Variants in KDM4B observed in about 807,000 individuals in gnomAD.
The protein encoded by KDM4B is lysine demethylase 4B.
A neutral mutation model predicts 125.2 loss-of-function variants in KDM4B; 32 were observed. The observed-to-expected ratio is 0.26, with a 90% confidence interval of 0.19 to 0.34. The LOEUF (loss-of-function observed/expected upper bound fraction) is 0.34, where lower values mean the gene tolerates loss of function less well. Among genes scored for constraint, KDM4B ranks in the 10% least tolerant of loss-of-function variants. The pLI, the probability that KDM4B is intolerant of heterozygous loss-of-function variation, is 1.00. For missense variants in KDM4B, 1,190 were observed against 1,577.7 expected (o/e 0.75, Z 4.16); for synonymous variants, 721 against 677.9 (o/e 1.06, Z -0.99).
intron 1 of KDM4B, among the ~76,000 whole-genome samples, chr19:4,980,137 G>A (rs1474760920): frequency 1.3e-5 from 2 of 151,874 alleles, no homozygotes; most frequent in African/African-American, 4.8e-5. Context: ...GTGGTTTTTA[G>A]TACATTGACA....
At chr19:5,041,573 G>C (rs1004670684) in intron 5 of KDM4B, among the ~76,000 whole-genome samples, 1 of 152,220 alleles carries the variant, frequency 6.6e-6, no homozygotes, top group South Asian at 2.1e-4. Context: ...CGTCTTCCTG[G>C]CACTGTGGAG....
chr19:5,084,600 A>C (rs1387445152), intron 9 of KDM4B, among the ~76,000 whole-genome samples: 2 of 143,530 alleles, frequency 1.4e-5, no homozygotes, highest in African/African-American at 2.5e-5. Flanking sequence ...TAAATTATAT[A>C]AATTATATAT....
intron 1 of KDM4B, among the ~76,000 whole-genome samples, chr19:4,970,157 G>A (rs766557262): frequency 7.9e-5 from 12 of 152,176 alleles, no homozygotes; most frequent in Non-Finnish European, 1.8e-4. Context: ...CAGGCAGGAC[G>A]GGGGACTCTG....
intron 1 of KDM4B, among the ~76,000 whole-genome samples, chr19:5,014,387 C>T (rs2035825555): frequency 6.6e-6 from 1 of 152,172 alleles, no homozygotes; most frequent in Non-Finnish European, 1.5e-5. Context: ...CGCCATTCTC[C>T]TGCCTCAGCC....
At position 5,021,141 on chromosome 19, in the gene KDM4B, C is replaced by CA. The variant is rs759355053; in HGVS notation, c.-26+4818dup. On this transcript the variant is annotated intron_variant, in intron 2 of 22. Transcript: ENST00000159111. The stretch of plus-strand genomic sequence containing the variant: ...CCTGGGCGACAGAGTGAAACTGTCT[C>CA]AAAAAAAAAAAAAAAAGAAAGAAAA... Among the ~76,000 whole-genome samples the CA allele has an allele frequency of 5.9e-3, 261 of 44,058 alleles. 1 individual carries two copies. Among genetic ancestry groups the CA allele is most frequent in the African/African-American group, 0.02 (183 of 9,050 alleles). The allele number at this position is 44,058 out of a possible 152,430, so 28.9% of individuals were successfully genotyped here. A position where few individuals can be genotyped will look rare whatever the true frequency, so the allele number is the denominator to read the frequency against.
chr19:5,147,636 G>C (rs2146114587), intron 21 of KDM4B, among the ~76,000 whole-genome samples: 1 of 152,024 alleles, frequency 6.6e-6, no homozygotes, highest in Non-Finnish European at 1.5e-5. Context: ...CCAGCTACTT[G>C]GGAAGCTGAG....
intron 7 of KDM4B, chr19:5,076,977 C>A: frequency 4.4e-6 from 1 of 229,356 alleles, no homozygotes; most frequent in Non-Finnish European, 8.7e-6. Context: ...GTGAGGGACC[C>A]AAGTGTATGC....
Position 4,994,165 on chromosome 19 carries a change from C to T in KDM4B, c.-108-22092C>T, listed in dbSNP as rs189445586. 4.0e-3 allele frequency among the ~76,000 whole-genome samples: 601 copies of T among 151,560 alleles called. 5 individuals carry two copies. The highest frequency in any genetic ancestry group is 6.5e-3 in the Non-Finnish European group (442 of 67,934). Reference sequence around the variant, plus strand: ...TTTGCCACATTGCCTAAGCTGATCTCGAACTCCTGGGCTCAAGCAGTTTGC... The same window carrying T: ...TTTGCCACATTGCCTAAGCTGATCTTGAACTCCTGGGCTCAAGCAGTTTGC... On this transcript the variant is annotated intron_variant, in intron 1 of 22. Transcript: ENST00000159111.
At chr19:5,151,118 C>T (rs560569072) in intron 22 of KDM4B, among the ~76,000 whole-genome samples, 3 of 152,214 alleles carry the variant, frequency 2.0e-5, no homozygotes, top group South Asian at 2.1e-4. Context: ...GCCAGGGTGC[C>T]CACCCCACTA....
chr19:5,074,080 C>T, intron 7 of KDM4B: 1 of 153,346 alleles, frequency 6.5e-6, no homozygotes, highest in Non-Finnish European at 1.5e-5. Flanking sequence ...TGCACTTCAG[C>T]CTGGGTGACA....
chr19:5,135,196 T>G, intron 14 of KDM4B, 143 bp from the exon 15 acceptor site: 1 of 612,794 alleles, frequency 1.6e-6, no homozygotes, highest in South Asian at 2.0e-5. Context: ...GGGGCCGAGG[T>G]GGCTCTGGCC....
intron 9 of KDM4B, among the ~76,000 whole-genome samples, chr19:5,102,163 C>T (rs1000048463): frequency 2.6e-5 from 4 of 152,182 alleles, no homozygotes; most frequent in South Asian, 2.1e-4. Context: ...CCCTGGTGGC[C>T]GTCCGTCTGC....
Position 5,151,528 on chromosome 19 carries a change from G to A in KDM4B, c.*17G>A, listed in dbSNP as rs1056012241. The A allele has an allele frequency of 3.0e-6, 4 of 1,346,976 alleles. 1 individual carries two copies. In the South Asian group the frequency reaches 5.1e-5, roughly 17 times the overall value. The allele number at this position is 1,346,976 out of a possible 1,614,324, so 83.4% of individuals were successfully genotyped here. A position where few individuals can be genotyped will look rare whatever the true frequency, so the allele number is the denominator to read the frequency against. On this transcript the variant is annotated 3_prime_UTR_variant, in exon 23 of 23. Transcript: ENST00000159111. ...CCCTTCTAGGACAGCTGGCCGCTCA[G>A]GCGACCCTCAGCCCGGCGGGGAGGC... is the stretch of plus-strand genomic sequence containing the variant.
chr19:5,057,653 G>A (rs2037453331), intron 6 of KDM4B, among the ~76,000 whole-genome samples: 1 of 152,126 alleles, frequency 6.6e-6, no homozygotes, highest in South Asian at 2.1e-4. Flanking sequence ...CCTTGTTCAC[G>A]GACGAGGCAC....
intron 6 of KDM4B, among the ~76,000 whole-genome samples, chr19:5,050,681 A>G (rs777697675): frequency 7.9e-5 from 12 of 152,178 alleles, no homozygotes; most frequent in Admixed American, 1.3e-4. Flanking sequence ...CGGTTGGATC[A>G]TGAGGTCAGG....
intron 3 of KDM4B, among the ~76,000 whole-genome samples, chr19:5,036,092 C>T (rs148577110): frequency 2.0e-5 from 3 of 152,282 alleles, no homozygotes; most frequent in Non-Finnish European, 4.4e-5. Flanking sequence ...GGGCCCTTGG[C>T]TCGGGGCAGC....
chr19:5,071,153 G>C, intron 7 of KDM4B, 94 bp downstream of exon 7: 1 of 1,231,442 alleles, frequency 8.1e-7, no homozygotes, highest in Non-Finnish European at 1.2e-6. Context: ...GGGCTCTGCT[G>C]CGGTCTGGGT....
chr19:5,058,684 G>A (rs375725877), intron 6 of KDM4B, among the ~76,000 whole-genome samples: 5 of 152,180 alleles, frequency 3.3e-5, no homozygotes, highest in African/African-American at 9.7e-5. Flanking sequence ...GCGGCCCCTC[G>A]CTCACCCGCT....
At chr19:5,099,322 G>A (rs533895095) in intron 9 of KDM4B, among the ~76,000 whole-genome samples, 1 of 152,190 alleles carries the variant, frequency 6.6e-6, no homozygotes, top group East Asian at 1.9e-4. Flanking sequence ...CTTGGGTGGC[G>A]GTAGTGAGAC....
Sources: gnomAD v4.1 joint callset for allele counts (sites outside exome capture counted in the v4.1 genomes callset) on GRCh38, gnomAD v4.1.1 for gene constraint, MANE v1.5 for transcripts, NCBI Gene and HGNC (gene_info 2026-07-23, HGNC 2026-07-21) for gene names.